The following ADAM20 variants were observed in gnomAD, a reference collection of about 807,000 sequenced individuals.
The protein encoded by ADAM20 is ADAM metallopeptidase domain 20.
For missense variants in ADAM20, 871 were observed against 883.2 expected (o/e 0.99, Z 0.18); for synonymous variants, 305 against 310.2 (o/e 0.98, Z 0.18).
At chr14:70,554,812 G>A in the ADAM20 span, among the ~76,000 whole-genome samples, 2 of 152,136 alleles carry the variant, frequency 1.3e-5, no homozygotes, top group Non-Finnish European at 2.9e-5. Flanking sequence ...AGGGTGTCCA[G>A]GTTCTTGGCA....
chr14:70,558,753 A>G, the ADAM20 span, among the ~76,000 whole-genome samples: 1 of 152,216 alleles, frequency 6.6e-6, no homozygotes. Flanking sequence ...AGGGAAAAAC[A>G]TTTGCCAAAT....
upstream of ADAM20, among the ~76,000 whole-genome samples, chr14:70,536,464 TCAAAAAAA>T (rs1883835486): frequency 9.2e-5 from 1 of 10,840 alleles, no homozygotes; most frequent in Non-Finnish European, 1.6e-4. Context: ...AAACTCTGTC[TCAAAAAAA>T]AAAAAAAAAA....
At chr14:70,532,229 G>A (rs1255108113) in intron 1 of ADAM20, among the ~76,000 whole-genome samples, 8 of 151,788 alleles carry the variant, frequency 5.3e-5, no homozygotes, top group Non-Finnish European at 2.9e-5. Flanking sequence ...ACACAATGGG[G>A]GAAAAATAGT....
rs148970864 is a variant in ADAM20 at position 70,532,257 on chromosome 14, T to C, written c.-177+2540A>G. 8.3e-3 allele frequency among the ~76,000 whole-genome samples: 1,252 copies of C among 151,434 alleles called. 9 individuals carry two copies. Among genetic ancestry groups the C allele is most frequent in the South Asian group, 0.031 (151 of 4,808 alleles). On this transcript the variant is annotated intron_variant, in intron 1 of 1. Coordinates refer to ENST00000256389, the MANE Select transcript of ADAM20 (RefSeq NM_003814.5). ...AAAATAGTCTCTTCCATAAGCAGTA[T>C]TGGAAAAACTGGATATCCACATGCA...
At chr14:70,533,680 A>G (rs1205632693) in intron 1 of ADAM20, among the ~76,000 whole-genome samples, 1 of 152,000 alleles carries the variant, frequency 6.6e-6, no homozygotes, top group Non-Finnish European at 1.5e-5. Context: ...TGATGGGTTG[A>G]TGGGTGCAGC....
At chr14:70,578,526 GA>G in the ADAM20 span, among the ~76,000 whole-genome samples, 2 of 152,096 alleles carry the variant, frequency 1.3e-5, no homozygotes, top group South Asian at 4.1e-4. Context: ...TCTGCACAGC[GA>G]AAGAAACAAT....
chr14:70,544,024 C>A, the ADAM20 span, among the ~76,000 whole-genome samples: 3 of 152,036 alleles, frequency 2.0e-5, no homozygotes, highest in Admixed American at 1.3e-4. Flanking sequence ...ATAAGATAAA[C>A]CCCTCTCCAA....
chr14:70,544,531 C>T, the ADAM20 span, among the ~76,000 whole-genome samples: 88 of 151,232 alleles, frequency 5.8e-4, no homozygotes, highest in African/African-American at 1.9e-3. Flanking sequence ...GGAGAAAGAC[C>T]GAAAATATTT....
chr14:70,523,140 G>A lies in ADAM20; in HGVS notation c.1618C>T (p.Arg540Cys), dbSNP rs1428012374. The part of the protein sequence containing the change: ...CYQEINTQGN[R>C]FGHCGIVGTT... Reference sequence around the variant, plus strand: ...CCTACAATACCACAGTGACCGAAACGGTTTCCTTGGGTGTTGATTTCTTGG... The same window carrying A: ...CCTACAATACCACAGTGACCGAAACAGTTTCCTTGGGTGTTGATTTCTTGG... Residue 540 changes from arginine to cysteine, a missense_variant, in exon 2 of 2, where the codon CGT becomes TGT. Arg to Cys is a radical substitution (Grantham distance 180). Transcript: ENST00000256389. 7.4e-6 allele frequency: 12 copies of A among 1,613,764 alleles called. No homozygotes were observed. The highest frequency in any genetic ancestry group is 2.7e-5 in the African/African-American group (2 of 74,870).
At chr14:70,530,673 G>A (rs1883692553) in intron 1 of ADAM20, among the ~76,000 whole-genome samples, 4 of 152,106 alleles carry the variant, frequency 2.6e-5, no homozygotes, top group Admixed American at 2.0e-4. Flanking sequence ...TGTCATATAT[G>A]CGATCCATCA....
the ADAM20 span, among the ~76,000 whole-genome samples, chr14:70,576,719 A>C: frequency 1.3e-5 from 2 of 152,196 alleles, no homozygotes; most frequent in Non-Finnish European, 2.9e-5. Context: ...TAGGGTACAT[A>C]AAGAGGGTTG....
chr14:70,545,277 C>T, the ADAM20 span, among the ~76,000 whole-genome samples: 1 of 152,170 alleles, frequency 6.6e-6, no homozygotes, highest in Non-Finnish European at 1.5e-5. Context: ...GAAAGACAAT[C>T]TTGAATTGCT....
chr14:70,564,614 T>C, the ADAM20 span, among the ~76,000 whole-genome samples: 1 of 149,866 alleles, frequency 6.7e-6, no homozygotes, highest in Non-Finnish European at 1.5e-5. Context: ...ATACTGAAAA[T>C]AATTCAGATT....
At chr14:70,558,098 T>G in the ADAM20 span, among the ~76,000 whole-genome samples, 1 of 152,218 alleles carries the variant, frequency 6.6e-6, no homozygotes, top group Non-Finnish European at 1.5e-5. Context: ...AACAAGTGTG[T>G]GGCACAATCA....
the ADAM20 span, among the ~76,000 whole-genome samples, chr14:70,566,082 T>G: frequency 5.3e-5 from 8 of 152,130 alleles, no homozygotes; most frequent in African/African-American, 1.9e-4. Flanking sequence ...GTTGCTCAAG[T>G]TGAAACAAAA....
chr14:70,522,596 T>C lies in ADAM20; in HGVS notation c.2162A>G (p.Lys721Arg). The change falls in exon 2 of 2, where the codon AAA becomes AGA. Residue 721 changes from lysine to arginine, a missense_variant. Lys to Arg is a conservative substitution (Grantham distance 26). Coordinates refer to ENST00000256389, the MANE Select transcript of ADAM20 (RefSeq NM_003814.5). ...HVLFKKRTKS[K>R]EDEEG ...TTTCTCTTATCCTTCTTCATCTTCT[T>C]TACTTTTTGTGCGTTTCTTAAAAAG... 6.2e-7 allele frequency: 1 copy of C among 1,608,650 alleles called. No homozygotes were observed. Among genetic ancestry groups the C allele is most frequent in the Non-Finnish European group, 8.5e-7 (1 of 1,177,714 alleles).
the ADAM20 span, among the ~76,000 whole-genome samples, chr14:70,573,210 A>G: frequency 3.9e-5 from 6 of 152,196 alleles, no homozygotes; most frequent in Non-Finnish European, 8.8e-5. Context: ...TGGATTGCAT[A>G]AAGAAAATGT....
the ADAM20 span, among the ~76,000 whole-genome samples, chr14:70,541,327 T>G: frequency 6.6e-6 from 1 of 152,238 alleles, no homozygotes; most frequent in African/African-American, 2.4e-5. Context: ...GGTTTGCAGC[T>G]AGGTAAGACC....
Position 70,522,774 on chromosome 14 carries a change from A to G in ADAM20, c.1984T>C (p.Tyr662His). 1 of 1,614,046 alleles carries G rather than the reference A, an allele frequency of 6.2e-7. No individual in the cohort carries two copies. Among genetic ancestry groups the G allele is most frequent in the Middle Eastern group, 1.7e-4 (1 of 6,060 alleles). Residue 662 changes from tyrosine to histidine, a missense_variant, in exon 2 of 2, where the codon TAC becomes CAC. Tyr to His is a moderately conservative substitution (Grantham distance 83). Transcript: ENST00000256389. ...CCTCCATAGCCTTTGTCCTTGCAGT[A>G]TGGGGGTGCCCATTCATGGTTGCAG... ...CHCNHEWAPP[Y>H]CKDKGYGGSA...
Sources: allele counts gnomAD v4.1 joint callset (sites outside exome capture counted in the v4.1 genomes callset), GRCh38; gene constraint gnomAD v4.1.1; transcripts MANE v1.5; gene names NCBI Gene and HGNC (gene_info 2026-07-23, HGNC 2026-07-21).